Variants in CCDC187 observed in about 807,000 individuals in gnomAD.
CCDC187 encodes coiled-coil domain-containing protein 187.
A neutral mutation model predicts 38.0 loss-of-function variants in CCDC187; 32 were observed. That is an observed-to-expected ratio of 0.84 (90% confidence interval 0.64 to 1.13). The LOEUF (loss-of-function observed/expected upper bound fraction) is 1.13, where lower values mean the gene tolerates loss of function less well. Among genes scored for constraint, CCDC187 ranks in the 50% most tolerant of loss-of-function variants. The probability of loss-of-function intolerance (pLI) is 0.00; values close to 1 mark genes in which losing one functional copy is unlikely to be tolerated. For synonymous variants in CCDC187, 333 were observed against 347.9 expected, an observed-to-expected ratio of 0.96 and a Z score of 0.48; for missense variants, 707 against 786.8, an observed-to-expected ratio of 0.90 and a Z score of 1.21.
At chr9:136,278,833 C>T (rs1830982627) in intron 10 of CCDC187, among the ~76,000 whole-genome samples, 1 of 152,258 alleles carries the variant, frequency 6.6e-6, no homozygotes, top group South Asian at 2.1e-4. Flanking sequence ...TGCCACTCTT[C>T]AGTCACACTG....
chr9:136,269,981 TAGAC>T (rs1156553644), intron 14 of CCDC187, among the ~76,000 whole-genome samples: 2 of 152,132 alleles, frequency 1.3e-5, no homozygotes, highest in Non-Finnish European at 2.9e-5. Context: ...AAGGGCAGAC[TAGAC>T]ACTGCAGAAG....
Position 136,255,061 on chromosome 9 carries a change from G to T in CCDC187, c.4767C>A (p.Ser1589=). The change falls in exon 26 of 26, where the codon TCC becomes TCA. Residue 1589 remains serine (S), a synonymous_variant. Coordinates refer to ENST00000638797, the MANE Select transcript of CCDC187 (RefSeq NM_001378188.1). ...HQGSPLLPTT[S]SCGPGSESAS... is the part of the protein sequence containing the mutation. ...CAGACTCAGAGCCTGGACCGCAGGA[G>T]GAGGTGGTGGGGAGAAGGGGACTGC... The T allele has an allele frequency of 4.1e-6, 4 of 985,542 alleles. 1 individual carries two copies. The highest frequency in any genetic ancestry group is 9.4e-5 in the South Asian group (2 of 21,288). 61.0% of individuals were successfully genotyped at this position (985,542 alleles called of 1,614,324 possible). A position where few individuals can be genotyped will look rare whatever the true frequency, so the allele number is the denominator to read the frequency against.
intron 2 of CCDC187, among the ~76,000 whole-genome samples, chr9:136,301,292 C>T (rs1316973305): frequency 3.9e-5 from 6 of 152,040 alleles, no homozygotes; most frequent in Middle Eastern, 3.4e-3. Context: ...CCCACCGCTA[C>T]GAAAACATGC....
At chr9:136,277,488 G>C (rs1588659860) in intron 10 of CCDC187, among the ~76,000 whole-genome samples, 1 of 132,540 alleles carries the variant, frequency 7.5e-6, no homozygotes, top group East Asian at 2.2e-4. Context: ...TGCTGAGGGG[G>C]TGGGCAGGTG....
In CCDC187 at chr9:136,297,758, A is replaced by C. The variant is rs1831571253; in HGVS notation, c.788T>G (p.Leu263Trp). The change falls in exon 4 of 26, where the codon TTG becomes TGG. Residue 263 changes from leucine to tryptophan, a missense_variant. Transcript: ENST00000638797. ...TTTGGCCGCTCTTCTAGGGGAGGGC[A>C]ACTTGGGGGTCTTCTCTCTTTTGCA... is the stretch of plus-strand genomic sequence containing the variant. ...SSCKREKTPK[L>W]PSPRRAAKDK... The C allele has an allele frequency of 2.5e-6, 1 of 398,610 alleles. No homozygotes were observed. Among genetic ancestry groups the C allele is most frequent in the South Asian group, 1.3e-4 (1 of 7,872 alleles). 24.7% of individuals were successfully genotyped at this position (398,610 alleles called of 1,614,324 possible).
chr9:136,283,548 AAT>A (rs1291560587), intron 9 of CCDC187, among the ~76,000 whole-genome samples: 1 of 152,214 alleles, frequency 6.6e-6, no homozygotes, highest in African/African-American at 2.4e-5. Flanking sequence ...ACGGTTCATG[AAT>A]ATGATTCCGC....
chr9:136,293,453 T>TGA (rs1831423899), intron 4 of CCDC187, among the ~76,000 whole-genome samples: 1 of 102,942 alleles, frequency 9.7e-6, no homozygotes, highest in Non-Finnish European at 2.0e-5. Flanking sequence ...TCACACATGC[T>TGA]CACACTCACA....
At chr9:136,294,937 A>G (rs1588673199) in intron 4 of CCDC187, among the ~76,000 whole-genome samples, 1 of 152,168 alleles carries the variant, frequency 6.6e-6, no homozygotes, top group African/African-American at 2.4e-5. Context: ...TCTGCCACTC[A>G]CCAGCCATGG....
chr9:136,292,179 C>A lies in CCDC187; in HGVS notation c.949G>T (p.Ala317Ser). Residue 317 changes from alanine to serine, a missense_variant, in exon 5 of 26, where the codon GCT becomes TCT. Coordinates refer to ENST00000638797, the MANE Select transcript of CCDC187 (RefSeq NM_001378188.1). ...HHSKDPSRDPALTVDLGDSEK... is the reference protein window; with the variant it reads ...HHSKDPSRDPSLTVDLGDSEK... ...CAGGTACCTAAGTCCACGGTGAGAG[C>A]CGGGTCTCTCGAGGGATCCTTGCTA... The A allele has an allele frequency of 2.5e-6, 1 of 398,804 alleles. No individual in the cohort carries two copies. The highest frequency in any genetic ancestry group is 2.1e-5 in the African/African-American group (1 of 48,742). The allele number at this position is 398,804 out of a possible 1,614,324, so 24.7% of individuals were successfully genotyped here.
rs1033371751 is a variant in CCDC187, at chr9:136,263,638, T to G, written c.3896A>C (p.Gln1299Pro). The G allele has an allele frequency of 6.7e-5, 66 of 985,454 alleles. No homozygotes were observed. The African/African-American group carries it at 1.1e-3, about 16-fold the overall frequency. The allele number at this position is 985,454 out of a possible 1,614,324, so 61.0% of individuals were successfully genotyped here. A position where few individuals can be genotyped will look rare whatever the true frequency, so the allele number is the denominator to read the frequency against. Residue 1299 changes from glutamine to proline, a missense_variant, in exon 18 of 26, where the codon CAG becomes CCG. By Grantham distance (76) the Gln-to-Pro change is moderately conservative. Coordinates refer to ENST00000638797, the MANE Select transcript of CCDC187 (RefSeq NM_001378188.1). ...AGCACCCACCTGCTGCAGCTTGGCC[T>G]GGGCCTGCAGCTCGTGCGCTGGGAC... is the stretch of plus-strand genomic sequence containing the variant. ...DVVPAHELQAQAKLQQGSSPK... is the reference protein window; with the variant it reads ...DVVPAHELQAPAKLQQGSSPK...
chr9:136,289,908 C>CG (rs1831274227), intron 7 of CCDC187, 51 bp downstream of exon 7: 3 of 389,094 alleles, frequency 7.7e-6, no homozygotes, highest in Non-Finnish European at 1.4e-5. Context: ...TGTTCTTGGC[C>CG]CCCCCCAAGG....
At chr9:136,283,298 C>T (rs961117073) in intron 9 of CCDC187, among the ~76,000 whole-genome samples, 2 of 152,312 alleles carry the variant, frequency 1.3e-5, no homozygotes, top group Admixed American at 6.5e-5. Flanking sequence ...GAGAGGCGGC[C>T]GGGATCTGGG....
intron 14 of CCDC187, among the ~76,000 whole-genome samples, chr9:136,272,425 G>A (rs577282656): frequency 5.3e-5 from 8 of 151,948 alleles, no homozygotes; most frequent in Admixed American, 1.3e-4. Context: ...AAAAATGGCC[G>A]GGCGTGGTGG....
In CCDC187 at chr9:136,258,633, G is replaced by T. The variant is rs556377451; in HGVS notation, c.4366+299C>A. ...AGCTGAAGACGCTCAGGCAGTGCTG[G>T]CTTCCAAACACTTAAAAATCTGCCC... On this transcript the variant is annotated intron_variant, in intron 22 of 25. Coordinates refer to ENST00000638797, the MANE Select transcript of CCDC187 (RefSeq NM_001378188.1). The surrounding 1 kb of genome is among the most constrained non-coding windows in gnomAD (Gnocchi z 4.3). The T allele has an allele frequency of 1.7e-4, 157 of 908,892 alleles. 1 individual carries two copies. In the Middle Eastern group the frequency reaches 2.8e-3, roughly 16 times the overall value. The allele number at this position is 908,892 out of a possible 1,614,324, so 56.3% of individuals were successfully genotyped here.
intron 3 of CCDC187, among the ~76,000 whole-genome samples, chr9:136,299,716 C>G (rs1831627158): frequency 2.0e-5 from 3 of 152,212 alleles, no homozygotes; most frequent in African/African-American, 7.2e-5. Flanking sequence ...AAGCAAAAAC[C>G]TGGTGGGGCC....
chr9:136,285,404 A>T, intron 9 of CCDC187, 109 bp downstream of exon 9: 1 of 309,728 alleles, frequency 3.2e-6, no homozygotes, highest in Non-Finnish European at 5.7e-6. Context: ...GTGAAGTGAG[A>T]GGCAGCCCGT....
chr9:136,258,088 C>T lies in CCDC187; in HGVS notation c.4366+844G>A, dbSNP rs979531879. ...GAGGCTTCAGGCTGAGCAAGCTTCA[C>T]GGTGGCCGCAGAAGCCTGAACAGCG... On this transcript the variant is annotated intron_variant, in intron 22 of 25. Coordinates refer to ENST00000638797, the MANE Select transcript of CCDC187 (RefSeq NM_001378188.1). The surrounding 1 kb of genome is among the most constrained non-coding windows in gnomAD (Gnocchi z 4.3). Among the ~76,000 whole-genome samples the T allele has an allele frequency of 1.4e-4, 22 of 152,152 alleles. No homozygotes were observed. The highest frequency in any genetic ancestry group is 2.9e-4 in the Non-Finnish European group (20 of 68,026).
rs1459005233 is a variant in CCDC187 at position 136,266,488 on chromosome 9, CG to C, written c.3648-446del. 1.1e-4 allele frequency: 16 copies of C among 152,336 alleles called. No homozygotes were observed. In the East Asian group the frequency reaches 3.1e-3, roughly 29 times the overall value. The allele number at this position is 152,336 out of a possible 1,614,324, so 9.4% of individuals were successfully genotyped here. ...TGGAGACCAATGTGGCAGTATCAAG[CG>C]GCTTCCAGATGCATTCTCACTGACC... On this transcript the variant is annotated intron_variant, in intron 16 of 25. Transcript: ENST00000638797.
intron 14 of CCDC187, among the ~76,000 whole-genome samples, chr9:136,273,586 CTT>C (rs1554762711): frequency 1.3e-5 from 2 of 152,154 alleles, no homozygotes; most frequent in African/African-American, 4.8e-5. Context: ...ATTCCAGTCT[CTT>C]ATTCATCGAT....
Sources: allele counts gnomAD v4.1 joint callset (sites outside exome capture counted in the v4.1 genomes callset), GRCh38; gene constraint gnomAD v4.1.1; non-coding constraint Gnocchi (gnomAD v3.1); transcripts MANE v1.5; gene names NCBI Gene and HGNC (gene_info 2026-07-23, HGNC 2026-07-21).